Variants in ZC4H2 observed in about 807,000 individuals in gnomAD.
ZC4H2 encodes zinc finger C4H2-type containing, also known as zinc finger C4H2 domain-containing protein.
For synonymous variants in ZC4H2, 84 were observed against 66.3 expected (o/e 1.27, Z -1.30); for missense variants, 137 against 173.9 (o/e 0.79, Z 1.19).
At chrX:64,987,120 G>A (rs1390435508) in intron 1 of ZC4H2, among the ~76,000 whole-genome samples, 2 of 108,873 alleles carry the variant, frequency 1.8e-5, no homozygotes, top group African/African-American at 6.7e-5. Context: ...AGTAGAGACA[G>A]GGTTTCACTG....
At chrX:64,971,155 T>C (rs1181270341) in intron 1 of ZC4H2, among the ~76,000 whole-genome samples, 1 of 112,556 alleles carries the variant, frequency 8.9e-6, no homozygotes, top group Non-Finnish European at 1.9e-5. Flanking sequence ...TATGAGCTAA[T>C]AATGGGACGC....
chrX:65,029,135 C>T lies in ZC4H2; in HGVS notation c.-272+5494G>A, dbSNP rs147679388. 8.4e-3 allele frequency among the ~76,000 whole-genome samples: 935 copies of T among 110,728 alleles called. 11 individuals carry two copies. Among genetic ancestry groups the T allele is most frequent in the Admixed American group, 0.043 (446 of 10,368 alleles). ...AGGGGTAGGTTGAAGGAGAAGTGTC[C>T]ATGAAAGTTACATAAATAAAAAATA... is the stretch of plus-strand genomic sequence containing the variant. On this transcript the variant is annotated intron_variant, in intron 1 of 4. Coordinates refer to the ZC4H2 transcript ENST00000337990.
chrX:64,974,792 C>T (rs927437248), intron 1 of ZC4H2, among the ~76,000 whole-genome samples: 6 of 109,170 alleles, frequency 5.5e-5, no homozygotes, highest in African/African-American at 2.0e-4. Flanking sequence ...GGATTAAAGT[C>T]CTTGCTCACA....
At chrX:64,985,764 G>A (rs1333891959) in intron 1 of ZC4H2, among the ~76,000 whole-genome samples, 1 of 111,633 alleles carries the variant, frequency 9.0e-6, no homozygotes, top group Non-Finnish European at 1.9e-5. Flanking sequence ...TAGAAACCTT[G>A]AATCAATTTT....
At chrX:64,942,291 T>C (rs1930324956) in intron 1 of ZC4H2, among the ~76,000 whole-genome samples, 2 of 111,491 alleles carry the variant, frequency 1.8e-5, no homozygotes, top group African/African-American at 3.3e-5. Context: ...TTTTCTTTTT[T>C]ATTAGTCTGG....
Position 64,992,587 on chromosome X carries a change from C to T in ZC4H2, c.-272+42042G>A, listed in dbSNP as rs190870954. ...AATTTAGTTATCCCAGGGACCAAAA[C>T]TAGTCATGTTGGTACGTCATTCCCT... On this transcript the variant is annotated intron_variant, in intron 1 of 4. Transcript: ENST00000337990. 2.8e-4 allele frequency among the ~76,000 whole-genome samples: 31 copies of T among 111,724 alleles called. No homozygotes were observed. In the East Asian group the frequency reaches 8.4e-3, roughly 30 times the overall value.
upstream of ZC4H2, among the ~76,000 whole-genome samples, chrX:64,981,376 C>T (rs1017911870): frequency 5.4e-5 from 6 of 111,088 alleles, no homozygotes; most frequent in African/African-American, 2.0e-4. Flanking sequence ...AGTGGGAAAA[C>T]TATTACAGTT....
At chrX:65,028,261 A>G (rs1932900357) in intron 1 of ZC4H2, among the ~76,000 whole-genome samples, 1 of 111,683 alleles carries the variant, frequency 9.0e-6, no homozygotes, top group Admixed American at 9.5e-5. Flanking sequence ...CATTTATTCA[A>G]CAAAGATTTA....
At chrX:64,927,106 T>A (rs1334153274) in intron 1 of ZC4H2, among the ~76,000 whole-genome samples, 2 of 111,898 alleles carry the variant, frequency 1.8e-5, no homozygotes, top group Middle Eastern at 4.2e-3. Context: ...AAATTTTTTT[T>A]AAAAGTCCAA....
At chrX:64,941,557 G>T (rs1272555049) in intron 1 of ZC4H2, among the ~76,000 whole-genome samples, 5 of 111,901 alleles carry the variant, frequency 4.5e-5, no homozygotes, top group Non-Finnish European at 9.4e-5. Context: ...ATTATTTTGA[G>T]ATATGTTCCA....
chrX:64,955,656 C>G (rs1931126287), intron 1 of ZC4H2, among the ~76,000 whole-genome samples: 1 of 111,840 alleles, frequency 8.9e-6, no homozygotes, highest in Non-Finnish European at 1.9e-5. Context: ...GATCAAAGAT[C>G]AAGACTTCTC....
At chrX:64,998,412 A>C (rs1932460794) in intron 1 of ZC4H2, among the ~76,000 whole-genome samples, 1 of 112,245 alleles carries the variant, frequency 8.9e-6, no homozygotes, top group Non-Finnish European at 1.9e-5. Context: ...ATTATAAGAG[A>C]AAAACTAGGA....
At chrX:64,927,010 T>G (rs1341936884) in intron 1 of ZC4H2, among the ~76,000 whole-genome samples, 1 of 112,067 alleles carries the variant, frequency 8.9e-6, no homozygotes, top group Admixed American at 9.4e-5. Context: ...ATTTGAGTAT[T>G]TCCGCAGACA....
At chrX:64,948,809 G>A (rs191863354) in intron 1 of ZC4H2, among the ~76,000 whole-genome samples, 24 of 111,888 alleles carry the variant, frequency 2.1e-4, no homozygotes, top group Admixed American at 1.9e-3. Context: ...TTATAAGAAG[G>A]CATGGGAATG....
Position 64,920,128 on chromosome X carries a change from C to T in ZC4H2, c.351G>A (p.Leu117=). 1 of 1,211,436 alleles carries T rather than the reference C, an allele frequency of 8.3e-7. No individual in the cohort carries two copies. The highest frequency in any genetic ancestry group is 3.0e-5 in the East Asian group (1 of 33,826). ...CTTCACACAAGTCAGGGAGCCTCTG[C>T]AGGCCCAGAGTCATGCGCAGGGCAT... ...HVDALRMTLG[L]QRLPDLCEEE... Residue 117 remains leucine (L), a synonymous_variant, in exon 3 of 5, where the codon CTG becomes CTA. Coordinates refer to ENST00000374839, the MANE Select transcript of ZC4H2 (RefSeq NM_018684.4).
At chrX:65,021,172 G>A (rs1393779153) in intron 1 of ZC4H2, among the ~76,000 whole-genome samples, 1 of 110,740 alleles carries the variant, frequency 9.0e-6, no homozygotes, top group Non-Finnish European at 1.9e-5. Context: ...GGACCAAGTG[G>A]ACCTAATAGA....
intron 1 of ZC4H2, among the ~76,000 whole-genome samples, chrX:64,943,890 T>C (rs940826825): frequency 1.8e-5 from 2 of 110,883 alleles, no homozygotes; most frequent in Admixed American, 9.6e-5. Flanking sequence ...CTAGCTGGTT[T>C]GTTGCACAAT....
intron 1 of ZC4H2, among the ~76,000 whole-genome samples, chrX:64,957,171 T>A (rs1445828342): frequency 8.9e-6 from 1 of 112,408 alleles, no homozygotes; most frequent in African/African-American, 3.2e-5. Flanking sequence ...ACTCATACAC[T>A]GCTGAGGGTT....
rs753424581 is a variant in ZC4H2, at chrX:64,993,156, C to T, written c.-272+41473G>A. 8.9e-5 allele frequency among the ~76,000 whole-genome samples: 10 copies of T among 112,168 alleles called. No individual in the cohort carries two copies. The East Asian group carries it at 1.7e-3, about 19-fold the overall frequency. ...ATACTTTTTTTGTACAAGTATGTGTCGTGCAACATTTCAGACATATTAGGT... is the reference window on the plus strand; with the variant it reads ...ATACTTTTTTTGTACAAGTATGTGTTGTGCAACATTTCAGACATATTAGGT... On this transcript the variant is annotated intron_variant, in intron 1 of 4. Coordinates refer to the ZC4H2 transcript ENST00000337990.
Sources: gnomAD v4.1 joint callset for allele counts (sites outside exome capture counted in the v4.1 genomes callset) on GRCh38, gnomAD v4.1.1 for gene constraint, MANE v1.5 for transcripts, NCBI Gene and HGNC (gene_info 2026-07-23, HGNC 2026-07-21) for gene names.